The following UBE2J2 variants were observed in gnomAD, a reference collection of about 807,000 sequenced individuals.
UBE2J2 encodes the protein ubiquitin conjugating enzyme E2 J2.
Under a neutral mutation model 28.6 loss-of-function variants are expected in UBE2J2, and 5 were observed. The ratio of observed to expected loss-of-function variants is 0.17; its 90% CI spans 0.09 to 0.37. The LOEUF (loss-of-function observed/expected upper bound fraction) is 0.37, where lower values mean the gene tolerates loss of function less well. Among genes scored for constraint, UBE2J2 ranks in the 10% least tolerant of loss-of-function variants. The pLI is 1.00. For missense variants in UBE2J2, 226 were observed against 338.9 expected (o/e 0.67, Z 2.62); for synonymous variants, 138 against 139.7 (o/e 0.99, Z 0.09).
chr1:1,269,848 A>G (rs1640059461), intron 1 of UBE2J2, among the ~76,000 whole-genome samples: 1 of 152,160 alleles, frequency 6.6e-6, no homozygotes, highest in South Asian at 2.1e-4. Flanking sequence ...CTGACCTCCC[A>G]GTTCCCACAA....
intron 1 of UBE2J2, among the ~76,000 whole-genome samples, chr1:1,271,974 C>CAAAAAAAAAAAAAAAAAAAAAA (rs60924258): frequency 1.8e-4 from 5 of 27,616 alleles, no homozygotes; most frequent in South Asian, 2.5e-3. Context: ...AACTCCGTCT[C>CAAAAAAAAAAAAAAAAAAAAAA]AAAAAAAAAA....
intron 2 of UBE2J2, among the ~76,000 whole-genome samples, chr1:1,266,548 G>A (rs541200116): frequency 1.3e-4 from 20 of 151,856 alleles, no homozygotes; most frequent in Admixed American, 5.9e-4. Context: ...AAGGCCGGGC[G>A]TGGTGGCTCA....
chr1:1,262,750 T>G, intron 3 of UBE2J2: 1 of 176,442 alleles, frequency 5.7e-6, no homozygotes, highest in South Asian at 1.1e-4. Flanking sequence ...CCCCAGAAAC[T>G]TACTGACAGC....
intron 3 of UBE2J2, 28 bp downstream of exon 3, chr1:1,263,318 G>A (rs1557559164): frequency 2.5e-6 from 4 of 1,606,924 alleles, no homozygotes; most frequent in African/African-American, 1.3e-5. Context: ...ACCGCCTGGT[G>A]TTCTTCTCCT....
Position 1,273,654 on chromosome 1 carries a change from G to T in UBE2J2, c.-1+12C>A. 6.6e-6 allele frequency: 1 copy of T among 152,132 alleles called. No homozygotes were observed. Among genetic ancestry groups the T allele is most frequent in the South Asian group, 2.0e-4 (1 of 5,064 alleles). 9.4% of individuals were successfully genotyped at this position (152,132 alleles called of 1,614,324 possible). Reference sequence around the variant, plus strand: ...GCCCGAGGACCCGGCGCAGGCCTGCGAGCGCGCTCACCTCTCCCTGTCGCT... The same window carrying T: ...GCCCGAGGACCCGGCGCAGGCCTGCTAGCGCGCTCACCTCTCCCTGTCGCT... On this transcript the variant is annotated intron_variant, in intron 1 of 6. Coordinates refer to ENST00000349431, the MANE Select transcript of UBE2J2 (RefSeq NM_058167.3).
At chr1:1,262,682 G>C (rs771974327) in intron 3 of UBE2J2, among the ~76,000 whole-genome samples, 1 of 152,166 alleles carries the variant, frequency 6.6e-6, no homozygotes, top group African/African-American at 2.4e-5. Context: ...CAGTATTCAC[G>C]GGCACACTGA....
At chr1:1,261,057 G>A (rs955641057) in intron 3 of UBE2J2, among the ~76,000 whole-genome samples, 12 of 152,320 alleles carry the variant, frequency 7.9e-5, no homozygotes, top group African/African-American at 1.9e-4. Flanking sequence ...CAGAAATCCC[G>A]AAGTCAGGAA....
rs528884932 is a variant in UBE2J2, at chr1:1,267,799, G to A, written c.131+63C>T. ...GGGGCACCAGGCTCGCCCAGCAGGG[G>A]CCGGCAGAGGCCTGCGTGGCAGCGA... On this transcript the variant is annotated intron_variant, in intron 2 of 6. Coordinates refer to ENST00000349431, the MANE Select transcript of UBE2J2 (RefSeq NM_058167.3). 8 of 1,593,420 alleles carry A rather than the reference G, an allele frequency of 5.0e-6. No individual in the cohort carries two copies. The South Asian group carries it at 5.5e-5, about 11-fold the overall frequency.
chr1:1,265,095 G>A (rs1038850917), intron 2 of UBE2J2, among the ~76,000 whole-genome samples: 1 of 152,156 alleles, frequency 6.6e-6, no homozygotes, highest in East Asian at 1.9e-4. Context: ...CCCAACCTGC[G>A]AAAACTGGGA....
At chr1:1,271,269 C>T (rs1353396706) in intron 1 of UBE2J2, among the ~76,000 whole-genome samples, 2 of 152,268 alleles carry the variant, frequency 1.3e-5, no homozygotes, top group Non-Finnish European at 2.9e-5. Flanking sequence ...CTCAGGCCAA[C>T]ACCTGGTGAT....
At chr1:1,260,914 G>A (rs1436363950) in intron 3 of UBE2J2, among the ~76,000 whole-genome samples, 6 of 152,266 alleles carry the variant, frequency 3.9e-5, no homozygotes, top group Admixed American at 3.9e-4. Context: ...CAAGGGGAAT[G>A]ATTTAGCAAC....
At position 1,268,028 on chromosome 1, in the gene UBE2J2, C is replaced by T. The variant is rs1412219738; in HGVS notation, c.1-36G>A. ...CAACGTCTACACTGACGACGAGAAG[C>T]AGCGCCGGCCACAGCTCTCTCCCCT... is the stretch of plus-strand genomic sequence containing the variant. On this transcript the variant is annotated intron_variant, in intron 1 of 6. Transcript: ENST00000349431. This position sits in a 1 kb window ranked among gnomAD's most constrained non-coding sequence, Gnocchi z 4.7. 1 of 1,607,504 alleles carries T rather than the reference C, an allele frequency of 6.2e-7. No individual in the cohort carries two copies. The highest frequency in any genetic ancestry group is 8.5e-7 in the Non-Finnish European group (1 of 1,175,468).
rs761301376 is a variant in UBE2J2, at chr1:1,255,181, C to G, written c.*22G>C. ...TGGTGCGCGGTGCCCTCAGTGGCGC[C>G]TTGGGTCTCGGCGCCTGGGCCTCAC... On this transcript the variant is annotated 3_prime_UTR_variant, in exon 7 of 7. Transcript: ENST00000349431. 6.4e-7 allele frequency: 1 copy of G among 1,563,346 alleles called. No homozygotes were observed. Among genetic ancestry groups the G allele is most frequent in the South Asian group, 1.2e-5 (1 of 83,364 alleles).
intron 4 of UBE2J2, 26 bp from the exon 5 acceptor site, chr1:1,257,156 C>A: frequency 6.2e-7 from 1 of 1,606,064 alleles, no homozygotes; most frequent in South Asian, 1.1e-5. Context: ...CCCGTCAGTG[C>A]ACACTCCCCA....
intron 3 of UBE2J2, chr1:1,262,211 C>T (rs6704013): frequency 0.011 from 4,637 of 412,158 alleles, 198 homozygotes; most frequent in African/African-American, 0.087. Flanking sequence ...GGCACACACA[C>T]GCATCGTAAC....
At chr1:1,272,125 G>C (rs1169528771) in intron 1 of UBE2J2, among the ~76,000 whole-genome samples, 1 of 151,804 alleles carries the variant, frequency 6.6e-6, no homozygotes, top group Non-Finnish European at 1.5e-5. Context: ...CTGCACTCTA[G>C]CTGGGCCAAC....
At chr1:1,257,373 C>A in intron 3 of UBE2J2, 63 bp from the exon 4 acceptor site, 1 of 785,494 alleles carries the variant, frequency 1.3e-6, no homozygotes, top group Non-Finnish European at 1.9e-6. Context: ...CTGGAGACCT[C>A]GTCCCCATCC....
chr1:1,263,241 A>C (rs1235273752), intron 3 of UBE2J2, 105 bp downstream of exon 3: 1 of 1,089,462 alleles, frequency 9.2e-7, no homozygotes, highest in South Asian at 1.3e-5. Flanking sequence ...GCACACATCC[A>C]AAGTAGAAAG....
chr1:1,270,709 C>T (rs996204139), intron 1 of UBE2J2, among the ~76,000 whole-genome samples: 2 of 152,170 alleles, frequency 1.3e-5, no homozygotes, highest in Non-Finnish European at 2.9e-5. Context: ...AGTCAACATA[C>T]TGTTCCGATC....
Sources: gnomAD v4.1 joint callset for allele counts (sites outside exome capture counted in the v4.1 genomes callset) on GRCh38, gnomAD v4.1.1 for gene constraint, Gnocchi (gnomAD v3.1) non-coding constraint, MANE v1.5 for transcripts, NCBI Gene and HGNC (gene_info 2026-07-23, HGNC 2026-07-21) for gene names.